The following MLLT10 variants were observed in gnomAD, a reference collection of about 807,000 sequenced individuals.
MLLT10 encodes the protein MLLT10 histone lysine methyltransferase DOT1L cofactor.
A neutral mutation model predicts 129.1 loss-of-function variants in MLLT10; 30 were observed. That is an observed-to-expected ratio of 0.23 (90% CI 0.17 to 0.32). The LOEUF (loss-of-function observed/expected upper bound fraction) is 0.32, where lower values mean the gene tolerates loss of function less well. MLLT10 is among the 10% of genes least tolerant of loss of function. The pLI is 1.00. For synonymous variants in MLLT10, 490 were observed against 446.4 expected, an observed-to-expected ratio of 1.10 and a Z score of -1.23; for missense variants, 1,119 against 1,268.3, an observed-to-expected ratio of 0.88 and a Z score of 1.79.
intron 8 of MLLT10, among the ~76,000 whole-genome samples, chr10:21,634,756 G>A (rs993465050): frequency 5.9e-5 from 9 of 152,116 alleles, no homozygotes; most frequent in African/African-American, 2.2e-4. Context: ...CTCCAGTATC[G>A]AGTAGACTCA....
intron 11 of MLLT10, among the ~76,000 whole-genome samples, chr10:21,677,760 T>G (rs1479276380): frequency 2.6e-5 from 4 of 152,204 alleles, no homozygotes; most frequent in Non-Finnish European, 5.9e-5. Flanking sequence ...TTTTTCATGA[T>G]GCTGTTTTTA....
chr10:21,649,178 CA>C (rs1489523791), intron 8 of MLLT10, among the ~76,000 whole-genome samples: 2 of 152,192 alleles, frequency 1.3e-5, no homozygotes, highest in Non-Finnish European at 2.9e-5. Context: ...CAGGCTCAAG[CA>C]ATCCTCCCGC....
At chr10:21,689,553 A>ATG (rs1391747480) in intron 13 of MLLT10, among the ~76,000 whole-genome samples, 176 of 104,668 alleles carry the variant, frequency 1.7e-3, no homozygotes, top group African/African-American at 6.3e-3. Context: ...AGTAATATAT[A>ATG]TATATATATA....
intron 14 of MLLT10, among the ~76,000 whole-genome samples, chr10:21,718,406 G>T (rs1002169734): frequency 6.6e-6 from 1 of 152,116 alleles, no homozygotes; most frequent in African/African-American, 2.4e-5. Flanking sequence ...TTCAAATCCT[G>T]CTGTTTCCTA....
chr10:21,627,714 A>G (rs892830546), intron 8 of MLLT10, among the ~76,000 whole-genome samples: 1 of 152,156 alleles, frequency 6.6e-6, no homozygotes, highest in African/African-American at 2.4e-5. Context: ...TCTGGGAGCC[A>G]TTCTTTGATT....
intron 19 of MLLT10, 64 bp downstream of exon 19, chr10:21,733,656 GT>G: frequency 6.8e-7 from 1 of 1,462,888 alleles, no homozygotes; most frequent in Non-Finnish European, 9.1e-7. Context: ...ATATTAAATG[GT>G]TTAAAATTAT....
chr10:21,624,714 T>C (rs1249080634), intron 8 of MLLT10: 10 of 1,344,280 alleles, frequency 7.4e-6, no homozygotes, highest in Non-Finnish European at 7.4e-6. Context: ...GAGACCCAGT[T>C]CTGTTGTTTG....
At chr10:21,718,253 C>T (rs752673856) in intron 14 of MLLT10, among the ~76,000 whole-genome samples, 10 of 152,058 alleles carry the variant, frequency 6.6e-5, no homozygotes, top group Non-Finnish European at 1.5e-4. Context: ...GCCTGCTTTA[C>T]TACATACTAG....
Position 21,742,673 on chromosome 10 carries a change from T to C in MLLT10, c.*690T>C, listed in dbSNP as rs1833827983. 1 of 223,924 alleles carries C rather than the reference T, an allele frequency of 4.5e-6. No homozygotes were observed. The highest frequency in any genetic ancestry group is 1.8e-4 in the South Asian group (1 of 5,460). 13.9% of individuals were successfully genotyped at this position (223,924 alleles called of 1,614,324 possible). A position where few individuals can be genotyped will look rare whatever the true frequency, so the allele number is the denominator to read the frequency against. On this transcript the variant is annotated 3_prime_UTR_variant, in exon 23 of 23. Transcript: ENST00000307729. The stretch of plus-strand genomic sequence containing the variant: ...ACTCATATTTTGAAGAAATCTTGAG[T>C]TAAGTGAGTTCTGAGGCTGCTGGGG...
chr10:21,642,622 A>C (rs1401114023), intron 8 of MLLT10, among the ~76,000 whole-genome samples: 4 of 150,222 alleles, frequency 2.7e-5, no homozygotes, highest in Non-Finnish European at 5.9e-5. Context: ...GAGCCACTGC[A>C]CTCCAGCCTG....
chr10:21,595,775 A>G (rs776156183), intron 5 of MLLT10, among the ~76,000 whole-genome samples: 2 of 152,118 alleles, frequency 1.3e-5, no homozygotes, highest in Non-Finnish European at 2.9e-5. Flanking sequence ...TGAATTAATT[A>G]TTATTTTGCA....
chr10:21,688,519 G>T, intron 13 of MLLT10: 1 of 1,612,722 alleles, frequency 6.2e-7, no homozygotes, highest in Non-Finnish European at 8.5e-7. Context: ...CACTAACAAA[G>T]CAAGAACTTA....
chr10:21,633,603 G>A (rs2047197850), intron 8 of MLLT10, among the ~76,000 whole-genome samples: 1 of 152,182 alleles, frequency 6.6e-6, no homozygotes, highest in African/African-American at 2.4e-5. Context: ...GCTGAGGTGG[G>A]AGGATTGCTT....
At chr10:21,582,228 G>T (rs1383335464) in intron 3 of MLLT10, among the ~76,000 whole-genome samples, 3 of 151,316 alleles carry the variant, frequency 2.0e-5, no homozygotes, top group Non-Finnish European at 4.4e-5. Context: ...ATCGATTTTT[G>T]TGCCTTAGCC....
At position 21,559,242 on chromosome 10, in the gene MLLT10, C is replaced by A. The variant is rs559123268; in HGVS notation, c.240+20330C>A. Among the ~76,000 whole-genome samples the A allele has an allele frequency of 2.0e-5, 3 of 152,270 alleles. No individual in the cohort carries two copies. In the East Asian group the frequency reaches 5.8e-4, roughly 29 times the overall value. ...GGGACTACAGGCATCCGCCACCACGCCTGACTAATTTTTGTATTTGTAGTA... is the reference window on the plus strand; with the variant it reads ...GGGACTACAGGCATCCGCCACCACGACTGACTAATTTTTGTATTTGTAGTA... On this transcript the variant is annotated intron_variant, in intron 3 of 22. Transcript: ENST00000307729.
chr10:21,647,411 T>A (rs945229010), intron 8 of MLLT10, among the ~76,000 whole-genome samples: 1 of 152,144 alleles, frequency 6.6e-6, no homozygotes, highest in Non-Finnish European at 1.5e-5. Flanking sequence ...GTCCCAGATA[T>A]TTGGGAGGCT....
At position 21,733,586 on chromosome 10, in the gene MLLT10, A is replaced by G. The variant is rs776649701; in HGVS notation, c.2490A>G (p.Leu830=). The change falls in exon 19 of 23, where the codon TTA becomes TTG. Residue 830 remains leucine, a synonymous_variant. Transcript: ENST00000307729. ...TACCTGATAATTCTCTTCCTGTATTAAATCAGGTAATTTTTGTATGGTTAT... is the reference window on the plus strand; with the variant it reads ...TACCTGATAATTCTCTTCCTGTATTGAATCAGGTAATTTTTGTATGGTTAT... The part of the protein sequence containing the change: ...SFLPDNSLPV[L]NQDLTSSGQS... 3.2e-6 allele frequency: 5 copies of G among 1,553,178 alleles called. No individual in the cohort carries two copies. In the South Asian group the frequency reaches 6.1e-5, roughly 19 times the overall value.
chr10:21,682,233 G>C lies in MLLT10; in HGVS notation c.1675G>C (p.Glu559Gln). The C allele has an allele frequency of 6.2e-7, 1 of 1,611,070 alleles. No individual in the cohort carries two copies. Among genetic ancestry groups the C allele is most frequent in the Non-Finnish European group, 8.5e-7 (1 of 1,178,968 alleles). The change falls in exon 13 of 23, where the codon GAG becomes CAG. Residue 559 changes from glutamate (E) to glutamine (Q), a missense_variant. Around this residue, in one of 5 missense-constraint regions of MLLT10, gnomAD observed 1,004 missense variants for 1,008.7 expected, o/e 1.00. Coordinates refer to ENST00000307729, the MANE Select transcript of MLLT10 (RefSeq NM_001195626.3). ...DGACPTTTFS[E>Q]LLNAIHNGIY... The stretch of plus-strand genomic sequence containing the variant: ...TTTTCCTTACTTAAAAGCGTTCTCA[G>C]AGTTGCTGAATGCAATACACAACGG...
chr10:21,591,824 A>G (rs1416940674), intron 4 of MLLT10, among the ~76,000 whole-genome samples: 1 of 151,996 alleles, frequency 6.6e-6, no homozygotes, highest in Non-Finnish European at 1.5e-5. Context: ...CCCAGGTTCA[A>G]GCAGTCCTGC....
Sources: allele counts gnomAD v4.1 joint callset (sites outside exome capture counted in the v4.1 genomes callset), GRCh38; gene constraint gnomAD v4.1.1; regional missense constraint gnomAD v4.1.1; transcripts MANE v1.5; gene names NCBI Gene and HGNC (gene_info 2026-07-23, HGNC 2026-07-21).